The following KCNH4 variants were observed in gnomAD, a reference collection of about 807,000 sequenced individuals.
KCNH4 encodes the protein potassium voltage-gated channel subfamily H member 4, also known as voltage-gated delayed rectifier potassium channel KCNH4.
A neutral mutation model predicts 90.7 loss-of-function variants in KCNH4; 33 were observed. The ratio of observed to expected loss-of-function variants is 0.36; its 90% CI spans 0.28 to 0.49. The LOEUF (loss-of-function observed/expected upper bound fraction) is 0.49, where lower values mean the gene tolerates loss of function less well. Among genes scored for constraint, KCNH4 ranks in the 20% least tolerant of loss-of-function variants. The pLI is 0.98. For synonymous variants in KCNH4, 551 were observed against 581.7 expected, an observed-to-expected ratio of 0.95 and a Z score of 0.76; for missense variants, 1,044 against 1,387.1, an observed-to-expected ratio of 0.75 and a Z score of 3.93.
At chr17:42,167,110 C>T (rs1010745074) in intron 9 of KCNH4, among the ~76,000 whole-genome samples, 1 of 152,060 alleles carries the variant, frequency 6.6e-6, no homozygotes, top group African/African-American at 2.4e-5. Flanking sequence ...CCTGGTTCCT[C>T]CCACTGCTTA....
At chr17:42,176,509 CTTTTTT>C (rs869250233) in intron 4 of KCNH4, among the ~76,000 whole-genome samples, 7 of 68,456 alleles carry the variant, frequency 1.0e-4, no homozygotes, top group Admixed American at 5.0e-4. Context: ...GGCCCTCCTC[CTTTTTT>C]TTTTTTTTTT....
Position 42,159,815 on chromosome 17 carries a change from C to T in KCNH4, c.*225G>A, listed in dbSNP as rs1194562140. 9.8e-6 allele frequency: 4 copies of T among 408,362 alleles called. No homozygotes were observed. Among genetic ancestry groups the T allele is most frequent in the Non-Finnish European group, 1.7e-5 (4 of 231,686 alleles). The allele number at this position is 408,362 out of a possible 1,614,324, so 25.3% of individuals were successfully genotyped here. A position where few individuals can be genotyped will look rare whatever the true frequency, so the allele number is the denominator to read the frequency against. On this transcript the variant is annotated 3_prime_UTR_variant, in exon 16 of 17. Coordinates refer to ENST00000264661, the MANE Select transcript of KCNH4 (RefSeq NM_012285.3). ...GGTTCATCTCATGCCTGCTGGGTTC[C>T]ACAGCCCTCAGGTGGCTCCCCTCAC...
At position 42,178,931 on chromosome 17, in the gene KCNH4, T is replaced by C. The variant is rs1440554695; in HGVS notation, c.172A>G (p.Thr58Ala). ...CTGCAGGTCTTCTGCATGACCTCGG[T>C]GCGACCGTAGCCTGTGAGCTCGCAG... ...GFCELTGYGR[T>A]EVMQKTCSCR... Residue 58 changes from threonine (T) to alanine (A), a missense_variant, in exon 2 of 17, where the codon ACC (threonine) becomes GCC (alanine). Around this residue, in one of 4 missense-constraint regions of KCNH4, gnomAD observed 283 missense variants for 378.6 expected, o/e 0.75. Coordinates refer to ENST00000264661, the MANE Select transcript of KCNH4 (RefSeq NM_012285.3). 6.2e-7 allele frequency: 1 copy of C among 1,614,202 alleles called. No individual in the cohort carries two copies. The highest frequency in any genetic ancestry group is 1.7e-5 in the Admixed American group (1 of 60,028).
intron 5 of KCNH4, 150 bp downstream of exon 5, chr17:42,175,904 G>T: frequency 8.3e-7 from 1 of 1,207,866 alleles, no homozygotes; most frequent in Non-Finnish European, 1.2e-6. Context: ...AGGCTGCGGG[G>T]AGCAGGACAC....
In KCNH4 at chr17:42,178,129, G is replaced by C. The variant is rs780234798; in HGVS notation, c.556C>G (p.Arg186Gly). ...TTGGCCTTCATGCCTCCCTGGCCCC[G>C]GCGGCCAAAGTGGCCGGTCAGTCGG... The part of the protein sequence containing the change: ...LHRLTGHFGR[R>G]GQGGMKANNN... Residue 186 changes from arginine to glycine, a missense_variant, in exon 4 of 17, where the codon CGG becomes GGG. Coordinates refer to ENST00000264661, the MANE Select transcript of KCNH4 (RefSeq NM_012285.3). 5 of 1,614,142 alleles carry C rather than the reference G, an allele frequency of 3.1e-6. No individual in the cohort carries two copies. In the South Asian group the frequency reaches 5.5e-5, roughly 18 times the overall value.
chr17:42,172,205 CTTT>C (rs889295948), intron 6 of KCNH4, among the ~76,000 whole-genome samples: 4 of 142,286 alleles, frequency 2.8e-5, no homozygotes, highest in Admixed American at 7.0e-5. Flanking sequence ...TTTGTAATTA[CTTT>C]TTTTTTTTTT....
Position 42,178,932 on chromosome 17 carries a change from G to GCGAC in KCNH4, c.167_170dup (p.Thr58SerfsTer21). 1 of 1,614,232 alleles carries GCGAC rather than the reference G, an allele frequency of 6.2e-7. No individual in the cohort carries two copies. The highest frequency in any genetic ancestry group is 8.5e-7 in the Non-Finnish European group (1 of 1,180,040). ...TGCAGGTCTTCTGCATGACCTCGGT[G>GCGAC]CGACCGTAGCCTGTGAGCTCGCAGA... On this transcript the variant is annotated frameshift_variant, in exon 2 of 17. Coordinates refer to ENST00000264661, the MANE Select transcript of KCNH4 (RefSeq NM_012285.3). LOFTEE classifies it high-confidence loss of function.
In KCNH4 at chr17:42,160,009, A is replaced by AC. The variant is rs1568030284; in HGVS notation, c.*30dup. 1 of 1,476,080 alleles carries AC rather than the reference A, an allele frequency of 6.8e-7. No homozygotes were observed. Among genetic ancestry groups the AC allele is most frequent in the East Asian group, 2.4e-5 (1 of 42,222 alleles). 91.4% of individuals were successfully genotyped at this position (1,476,080 alleles called of 1,614,324 possible). On this transcript the variant is annotated 3_prime_UTR_variant, in exon 16 of 17. Coordinates refer to ENST00000264661, the MANE Select transcript of KCNH4 (RefSeq NM_012285.3). ...CCCTGAGTGGTGAGCGGCAGCGCCC[A>AC]CCCCAGACAGGCCTGGGCCCTGGGC...
chr17:42,168,208 G>A (rs1345056986), intron 9 of KCNH4, among the ~76,000 whole-genome samples: 1 of 152,136 alleles, frequency 6.6e-6, no homozygotes, highest in Non-Finnish European at 1.5e-5. Context: ...CTCCCTGAGG[G>A]CCAGGGCTAA....
At chr17:42,177,821 C>G (rs376280944) in intron 4 of KCNH4, among the ~76,000 whole-genome samples, 1 of 152,182 alleles carries the variant, frequency 6.6e-6, no homozygotes, top group Admixed American at 6.5e-5. Flanking sequence ...CTATCACCCC[C>G]GGGCAGGTGA....
rs748578540 is a variant in KCNH4, at chr17:42,170,225, G to A, written c.1272C>T (p.Ser424=). ...TGAAGTACAGTGCCGCGATGTAGGC[G>A]CTGCGCCGTGATGGGCCGCCCACCG... ...NGSVGGPSRR[S]AYIAALYFTL... is the part of the protein sequence containing the mutation. Residue 424 remains serine (S), a synonymous_variant, in exon 8 of 17, where the codon AGC becomes AGT. Transcript: ENST00000264661. 32 of 1,611,196 alleles carry A rather than the reference G, an allele frequency of 2.0e-5. No individual in the cohort carries two copies. The highest frequency in any genetic ancestry group is 1.6e-4 in the Middle Eastern group (1 of 6,080).
Position 42,163,436 on chromosome 17 carries a change from A to G in KCNH4, c.2478-102T>C, listed in dbSNP as rs1179489945. 3 of 895,716 alleles carry G rather than the reference A, an allele frequency of 3.3e-6. No homozygotes were observed. The South Asian group carries it at 4.5e-5, about 13-fold the overall frequency. The allele number at this position is 895,716 out of a possible 1,614,324, so 55.5% of individuals were successfully genotyped here. On this transcript the variant is annotated intron_variant, in intron 13 of 16. Transcript: ENST00000264661. The surrounding 1 kb of genome is among the most constrained non-coding windows in gnomAD (Gnocchi z 5.4). The stretch of plus-strand genomic sequence containing the variant: ...GGGCAGCAGTGCCAGGGGGCGGAGC[A>G]AGAGCAGCAGTCAAAGTGGGTTGGG...
intron 2 of KCNH4, 85 bp from the exon 3 acceptor site, chr17:42,178,562 T>C (rs951332459): frequency 4.6e-6 from 7 of 1,507,622 alleles, no homozygotes; most frequent in Non-Finnish European, 6.3e-6. Flanking sequence ...CTCCTAGACA[T>C]AGTTAAGAGC....
At chr17:42,171,175 G>A (rs1332325741) in intron 7 of KCNH4, among the ~76,000 whole-genome samples, 1 of 152,086 alleles carries the variant, frequency 6.6e-6, no homozygotes, top group African/African-American at 2.4e-5. Flanking sequence ...GGATGAGAAG[G>A]GGATTGGGAA....
In KCNH4 at chr17:42,170,279, C is replaced by T. The variant is rs1187205670; in HGVS notation, c.1218G>A (p.Lys406=). Reference sequence around the variant, plus strand: ...CATTGACATAGGGCACCTCCAGACGCTTGCCCAACTCATGCAACCAGCCTG... The same window carrying T: ...CATTGACATAGGGCACCTCCAGACGTTTGCCCAACTCATGCAACCAGCCTG... ...WDIGWLHELG[K]RLEVPYVNGS... Residue 406 remains lysine (K), a synonymous_variant, in exon 8 of 17, where the codon AAG becomes AAA. Coordinates refer to ENST00000264661, the MANE Select transcript of KCNH4 (RefSeq NM_012285.3). The T allele has an allele frequency of 6.3e-7, 1 of 1,598,078 alleles. No homozygotes were observed. Among genetic ancestry groups the T allele is most frequent in the Non-Finnish European group, 8.5e-7 (1 of 1,177,168 alleles).
chr17:42,180,798 G>A lies in KCNH4; in HGVS notation c.76+72C>T. The A allele has an allele frequency of 1.4e-6, 2 of 1,464,956 alleles. No individual in the cohort carries two copies. Among genetic ancestry groups the A allele is most frequent in the Non-Finnish European group, 9.6e-7 (1 of 1,047,084 alleles). The allele number at this position is 1,464,956 out of a possible 1,614,324, so 90.7% of individuals were successfully genotyped here. On this transcript the variant is annotated intron_variant, in intron 1 of 16. Transcript: ENST00000264661. The surrounding 1 kb of genome is among the most constrained non-coding windows in gnomAD (Gnocchi z 4.7). ...TCGCCTCGGGTCTCACCATGTCCAG[G>A]AGATCCGAGACGGCCCCGAGGATAC...
intron 15 of KCNH4, among the ~76,000 whole-genome samples, chr17:42,161,472 G>T (rs1399811346): frequency 6.6e-6 from 1 of 152,192 alleles, no homozygotes; most frequent in East Asian, 1.9e-4. Context: ...AGATCCCTTG[G>T]GGAGGAGGCA....
intron 4 of KCNH4, among the ~76,000 whole-genome samples, chr17:42,177,654 C>T (rs753639572): frequency 6.6e-6 from 1 of 152,210 alleles, no homozygotes; most frequent in Non-Finnish European, 1.5e-5. Flanking sequence ...CATAGCCCAC[C>T]GCATTCCCTG....
At position 42,178,902 on chromosome 17, in the gene KCNH4, G is replaced by A; in HGVS notation, c.201C>T (p.Cys67=). The A allele has an allele frequency of 6.2e-7, 1 of 1,614,222 alleles. No individual in the cohort carries two copies. ...RTEVMQKTCS[C]RFLYGPETSE... is the part of the protein sequence containing the mutation. ...TGGTCTCTGGGCCGTAGAGGAAACG[G>A]CAGCTGCAGGTCTTCTGCATGACCT... The change falls in exon 2 of 17, where the codon TGC becomes TGT. Residue 67 remains cysteine (C), a synonymous_variant. Coordinates refer to ENST00000264661, the MANE Select transcript of KCNH4 (RefSeq NM_012285.3).
Sources: gnomAD v4.1 joint callset for allele counts (sites outside exome capture counted in the v4.1 genomes callset) on GRCh38, gnomAD v4.1.1 for gene constraint, gnomAD v4.1.1 regional missense constraint, Gnocchi (gnomAD v3.1) non-coding constraint, MANE v1.5 for transcripts, NCBI Gene and HGNC (gene_info 2026-07-23, HGNC 2026-07-21) for gene names.